Variants in CENPW observed in about 807,000 individuals in gnomAD.
The protein encoded by CENPW is cancer-up-regulated gene 2 protein.
In CENPW, 3 loss-of-function variants were observed where a neutral mutation model predicts 11.1. That is an observed-to-expected ratio of 0.27 (90% confidence interval 0.12 to 0.70). CENPW has a LOEUF of 0.70. CENPW is among the 30% of genes least tolerant of loss of function. CENPW has a pLI of 0.77. For missense variants in CENPW, 100 were observed against 105.6 expected (o/e 0.95, Z 0.23); for synonymous variants, 38 against 42.0 (o/e 0.91, Z 0.37).
the CENPW span, among the ~76,000 whole-genome samples, chr6:126,454,290 C>A: frequency 6.6e-6 from 1 of 151,298 alleles, no homozygotes; most frequent in Middle Eastern, 3.2e-3. Flanking sequence ...GTGCACATGG[C>A]ACATACTCTA....
chr6:126,370,169 A>G, the CENPW span, among the ~76,000 whole-genome samples: 6 of 152,296 alleles, frequency 3.9e-5, no homozygotes, highest in South Asian at 1.2e-3. Context: ...GTTGGCAACA[A>G]TGGCCTTATA....
At chr6:126,343,040 A>G (rs1269853879) in intron 1 of CENPW, among the ~76,000 whole-genome samples, 6 of 152,204 alleles carry the variant, frequency 3.9e-5, no homozygotes, top group Non-Finnish European at 5.9e-5. Flanking sequence ...GGGTGCTTAT[A>G]GTTCATGTAA....
At chr6:126,461,544 T>A in the CENPW span, among the ~76,000 whole-genome samples, 7 of 151,966 alleles carry the variant, frequency 4.6e-5, no homozygotes, top group Non-Finnish European at 1.0e-4. Flanking sequence ...TAACACCAGT[T>A]GTGACCATGT....
chr6:126,393,009 G>A, the CENPW span, among the ~76,000 whole-genome samples: 1 of 151,760 alleles, frequency 6.6e-6, no homozygotes, highest in African/African-American at 2.4e-5. Flanking sequence ...TTTCTTCATG[G>A]TTCAATCTTG....
the CENPW span, among the ~76,000 whole-genome samples, chr6:126,474,113 G>A: frequency 6.9e-3 from 1,031 of 150,312 alleles, 7 homozygotes; most frequent in Middle Eastern, 0.031. Flanking sequence ...ACATATATAT[G>A]TGTGTATATA....
At chr6:126,465,504 C>T in the CENPW span, among the ~76,000 whole-genome samples, 1 of 152,050 alleles carries the variant, frequency 6.6e-6, no homozygotes, top group East Asian at 1.9e-4. Flanking sequence ...GGCATTTTTT[C>T]GTGTTTAGAA....
At position 126,346,664 on chromosome 6, in the gene CENPW, C is replaced by T. The variant is rs554903543; in HGVS notation, c.240+346C>T. ...TTACCTCATTGTATTAGTCCATTTT[C>T]ACACTGCTATAAAGAAATACCCAAG... On this transcript the variant is annotated intron_variant, in intron 2 of 2. Coordinates refer to ENST00000368328, the MANE Select transcript of CENPW (RefSeq NM_001012507.4). 3.9e-5 allele frequency among the ~76,000 whole-genome samples: 6 copies of T among 152,176 alleles called. 1 individual carries two copies. Among genetic ancestry groups the T allele is most frequent in the Admixed American group, 1.3e-4 (2 of 15,280 alleles).
At chr6:126,440,901 G>GA in the CENPW span, among the ~76,000 whole-genome samples, 1 of 151,418 alleles carries the variant, frequency 6.6e-6, no homozygotes. Flanking sequence ...ATTAGAGAGG[G>GA]AAAACATAGG....
downstream of CENPW, among the ~76,000 whole-genome samples, chr6:126,351,534 A>G (rs1489903533): frequency 1.3e-5 from 2 of 152,036 alleles, no homozygotes; most frequent in Non-Finnish European, 2.9e-5. Context: ...TGTGGAGTTT[A>G]TTAGAGGTGG....
the CENPW span, among the ~76,000 whole-genome samples, chr6:126,457,838 C>T: frequency 6.6e-6 from 1 of 151,348 alleles, no homozygotes; most frequent in Admixed American, 6.6e-5. Flanking sequence ...AGGCAATATA[C>T]ACTTTAACTC....
chr6:126,426,179 A>T, the CENPW span, among the ~76,000 whole-genome samples: 2 of 152,170 alleles, frequency 1.3e-5, no homozygotes, highest in Admixed American at 1.3e-4. Context: ...TGTTTATTTC[A>T]GATATCATAG....
At chr6:126,343,004 T>C (rs1410307927) in intron 1 of CENPW, among the ~76,000 whole-genome samples, 1 of 152,204 alleles carries the variant, frequency 6.6e-6, no homozygotes, top group Non-Finnish European at 1.5e-5. Context: ...ATCTGTTAAA[T>C]GTAAAGGAAT....
chr6:126,369,276 G>A, the CENPW span, among the ~76,000 whole-genome samples: 1 of 152,006 alleles, frequency 6.6e-6, no homozygotes, highest in African/African-American at 2.4e-5. Flanking sequence ...TTCATGTAAC[G>A]ACTCCTTTTC....
At chr6:126,446,137 T>A in the CENPW span, among the ~76,000 whole-genome samples, 3 of 151,190 alleles carry the variant, frequency 2.0e-5, no homozygotes, top group African/African-American at 7.3e-5. Context: ...TAAATTCACC[T>A]GTAAAATATA....
the CENPW span, among the ~76,000 whole-genome samples, chr6:126,421,278 CATATT>C: frequency 1.3e-5 from 2 of 152,084 alleles, no homozygotes; most frequent in African/African-American, 4.8e-5. Context: ...CTTTTAAACT[CATATT>C]ATGCCATTTT....
chr6:126,372,847 A>G, the CENPW span, among the ~76,000 whole-genome samples: 2 of 152,224 alleles, frequency 1.3e-5, no homozygotes, highest in Admixed American at 6.5e-5. Context: ...TGCTACTCAC[A>G]TAAGTCCTCT....
At chr6:126,467,993 T>A in the CENPW span, among the ~76,000 whole-genome samples, 2 of 152,114 alleles carry the variant, frequency 1.3e-5, no homozygotes, top group Non-Finnish European at 2.9e-5. Context: ...ATTCCAATTA[T>A]GAAACATTGT....
chr6:126,400,303 A>T, the CENPW span, among the ~76,000 whole-genome samples: 40 of 152,194 alleles, frequency 2.6e-4, no homozygotes, highest in African/African-American at 8.9e-4. Context: ...CATTTTCCTG[A>T]TAGATAATGA....
At chr6:126,416,860 G>C in the CENPW span, among the ~76,000 whole-genome samples, 2 of 152,212 alleles carry the variant, frequency 1.3e-5, no homozygotes, top group Admixed American at 6.5e-5. Context: ...TGCTAGGGCA[G>C]TGCAGAAGGG....
Sources: allele counts gnomAD v4.1 joint callset (sites outside exome capture counted in the v4.1 genomes callset), GRCh38; gene constraint gnomAD v4.1.1; transcripts MANE v1.5; gene names NCBI Gene and HGNC (gene_info 2026-07-23, HGNC 2026-07-21).